NEGR1: variants seen among roughly 807,000 people sequenced by gnomAD.
The protein encoded by NEGR1 is neuronal growth regulator 1, also known as IgLON family member 4.
Under a neutral mutation model 40.9 loss-of-function variants are expected in NEGR1, and 10 were observed. The ratio of observed to expected loss-of-function variants is 0.24; its 90% CI spans 0.15 to 0.42. NEGR1 has a LOEUF of 0.42. Among genes scored for constraint, NEGR1 ranks in the 10% least tolerant of loss-of-function variants. The pLI, the probability that NEGR1 is intolerant of heterozygous loss-of-function variation, is 1.00. For synonymous variants in NEGR1, 185 were observed against 166.8 expected (o/e 1.11, Z -0.84); for missense variants, 352 against 438.9 (o/e 0.80, Z 1.77).
chr1:72,111,085 T>C (rs11209913), intron 1 of NEGR1, among the ~76,000 whole-genome samples: 245 of 128,512 alleles, frequency 1.9e-3, no homozygotes, highest in African/African-American at 2.7e-3. Flanking sequence ...TATATATATA[T>C]ACACACACAC....
intron 1 of NEGR1, among the ~76,000 whole-genome samples, chr1:72,165,650 C>T (rs1651738852): frequency 6.6e-6 from 1 of 151,994 alleles, no homozygotes; most frequent in Admixed American, 6.6e-5. Context: ...TTCTTACCAA[C>T]TAGCTTATTG....
At chr1:71,418,271 T>C (rs1446760757) in intron 6 of NEGR1, among the ~76,000 whole-genome samples, 2 of 151,594 alleles carry the variant, frequency 1.3e-5, no homozygotes, top group African/African-American at 4.8e-5. Flanking sequence ...GAAAGAAAAA[T>C]GGTAAACCAC....
At chr1:71,994,519 C>T (rs1281205367) in intron 1 of NEGR1, among the ~76,000 whole-genome samples, 3 of 148,056 alleles carry the variant, frequency 2.0e-5, no homozygotes, top group South Asian at 2.2e-4. Context: ...CAGAGGGAGA[C>T]TCTGTCTCAA....
intron 4 of NEGR1, among the ~76,000 whole-genome samples, chr1:71,678,752 A>G (rs1652729149): frequency 6.6e-6 from 1 of 152,184 alleles, no homozygotes; most frequent in Non-Finnish European, 1.5e-5. Context: ...TTAGCCCATT[A>G]CTGGAAAGCA....
chr1:71,969,286 A>T (rs1016186166), intron 1 of NEGR1, among the ~76,000 whole-genome samples: 2 of 152,178 alleles, frequency 1.3e-5, no homozygotes, highest in Non-Finnish European at 2.9e-5. Flanking sequence ...AAGTGCTGGG[A>T]TTACAGGCAT....
At chr1:71,506,639 A>C (rs866017484) in intron 6 of NEGR1, among the ~76,000 whole-genome samples, 1 of 152,186 alleles carries the variant, frequency 6.6e-6, no homozygotes, top group South Asian at 2.1e-4. Context: ...GAATCCTGCC[A>C]GTTTCCTATG....
At chr1:71,994,528 A>AAAAAC (rs950847730) in intron 1 of NEGR1, among the ~76,000 whole-genome samples, 9 of 116,664 alleles carry the variant, frequency 7.7e-5, no homozygotes, top group East Asian at 3.4e-4. Flanking sequence ...ACTCTGTCTC[A>AAAAAC]AAAACAAAAC....
At chr1:72,052,553 T>A (rs1309268591) in intron 1 of NEGR1, among the ~76,000 whole-genome samples, 3 of 151,470 alleles carry the variant, frequency 2.0e-5, no homozygotes, top group African/African-American at 7.3e-5. Context: ...CTTCAATTGA[T>A]GTCACAGGTG....
chr1:71,759,968 C>T (rs1655885865), intron 3 of NEGR1, among the ~76,000 whole-genome samples: 1 of 152,044 alleles, frequency 6.6e-6, no homozygotes, highest in African/African-American at 2.4e-5. Flanking sequence ...TTACATACTA[C>T]TTTCCCTATA....
chr1:71,705,291 C>T (rs937048591), intron 3 of NEGR1, among the ~76,000 whole-genome samples: 5 of 151,812 alleles, frequency 3.3e-5, no homozygotes, highest in African/African-American at 1.2e-4. Flanking sequence ...ACCATAAATA[C>T]GATTTAGAAG....
In NEGR1 at chr1:71,400,185, CATTTTAAAGTTTT is replaced by C. The variant is rs1194380228; in HGVS notation, c.*7248_*7260del. On this transcript the variant is annotated 3_prime_UTR_variant, in exon 7 of 7. Transcript: ENST00000357731. Reference sequence around the variant, plus strand: ...GAAGGAGGGAAACCACCCTCTTTAACATTTTAAAGTTTTGAAGGTGTAATGAACCATGCTACCT... The same window carrying C: ...GAAGGAGGGAAACCACCCTCTTTAACGAAGGTGTAATGAACCATGCTACCT... 1.3e-5 allele frequency: 2 copies of C among 152,170 alleles called. No homozygotes were observed. Among genetic ancestry groups the C allele is most frequent in the Non-Finnish European group, 1.5e-5 (1 of 68,034 alleles). 9.4% of individuals were successfully genotyped at this position (152,170 alleles called of 1,614,324 possible). A position where few individuals can be genotyped will look rare whatever the true frequency, so the allele number is the denominator to read the frequency against.
At chr1:71,456,259 T>G (rs554250316) in intron 6 of NEGR1, among the ~76,000 whole-genome samples, 2 of 152,252 alleles carry the variant, frequency 1.3e-5, no homozygotes, top group Non-Finnish European at 2.9e-5. Flanking sequence ...TAAAAAATTT[T>G]TTTATGTATT....
chr1:71,603,907 A>T (rs1400906806), intron 5 of NEGR1, among the ~76,000 whole-genome samples: 4 of 152,172 alleles, frequency 2.6e-5, no homozygotes, highest in Non-Finnish European at 5.9e-5. Context: ...CATATGTTTT[A>T]AAAAATGTTG....
chr1:72,016,018 A>T (rs1646706705), intron 1 of NEGR1, among the ~76,000 whole-genome samples: 1 of 152,086 alleles, frequency 6.6e-6, no homozygotes, highest in Non-Finnish European at 1.5e-5. Context: ...TTTTAAGTTA[A>T]TTTTTTCAAT....
chr1:71,968,356 A>C (rs1646228107), intron 1 of NEGR1, among the ~76,000 whole-genome samples: 1 of 152,232 alleles, frequency 6.6e-6, no homozygotes, highest in South Asian at 2.1e-4. Context: ...ACTTTGGGAT[A>C]TCAGATTTGT....
At chr1:71,668,144 A>C (rs2101596808) in intron 4 of NEGR1, among the ~76,000 whole-genome samples, 1 of 152,294 alleles carries the variant, frequency 6.6e-6, no homozygotes, top group African/African-American at 2.4e-5. Context: ...TGATAGGAAT[A>C]TCTTTTTTGT....
chr1:71,726,483 G>A (rs1654678730), intron 3 of NEGR1, among the ~76,000 whole-genome samples: 1 of 152,042 alleles, frequency 6.6e-6, no homozygotes, highest in Admixed American at 6.6e-5. Flanking sequence ...GGAGCTGGTG[G>A]TAAGAACTCA....
rs758540794 is a variant in NEGR1, at chr1:71,947,089, T to TATACACAC, written c.177-11779_177-11778insGTGTGTAT. 4.1e-4 allele frequency among the ~76,000 whole-genome samples: 53 copies of TATACACAC among 129,148 alleles called. No individual in the cohort carries two copies. In the East Asian group the frequency reaches 4.9e-3, roughly 12 times the overall value. 84.7% of individuals were successfully genotyped at this position (129,148 alleles called of 152,430 possible). On this transcript the variant is annotated intron_variant, in intron 1 of 6. Coordinates refer to ENST00000357731, the MANE Select transcript of NEGR1 (RefSeq NM_173808.3). ...GGCAACAGAGCCAGATCCTGTCTCA[T>TATACACAC]ACACACACACACACACACACACACA...
In NEGR1 at chr1:72,282,327, C is replaced by T. The variant is rs752378044; in HGVS notation, c.168G>A (p.Ala56=). Residue 56 remains alanine (A), a synonymous_variant, in exon 1 of 7, where the codon GCG becomes GCA. Transcript: ENST00000357731. ...CACGCCGTTCTTCCTACCTAAGCAC[C>T]GCCGTGTCCCCTTTTCTGACCATCA... ...DNMMVRKGDT[A]VLRCYLEDGA... 10 of 1,613,882 alleles carry T rather than the reference C, an allele frequency of 6.2e-6. No homozygotes were observed. Among genetic ancestry groups the T allele is most frequent in the Admixed American group, 3.3e-5 (2 of 59,992 alleles).
Sources: allele counts gnomAD v4.1 joint callset (sites outside exome capture counted in the v4.1 genomes callset), GRCh38; gene constraint gnomAD v4.1.1; transcripts MANE v1.5; gene names NCBI Gene and HGNC (gene_info 2026-07-23, HGNC 2026-07-21).